The following RBM47 variants were observed in gnomAD, a reference collection of about 807,000 sequenced individuals.
RBM47 encodes RNA-binding protein 47.
A neutral mutation model predicts 47.1 loss-of-function variants in RBM47; 21 were observed. That is an observed-to-expected ratio of 0.45 (90% CI 0.32 to 0.64). The LOEUF (loss-of-function observed/expected upper bound fraction) is 0.64. RBM47 is among the 30% of genes least tolerant of loss of function. The probability of loss-of-function intolerance (pLI) is 0.05; values close to 1 mark genes in which losing one functional copy is unlikely to be tolerated. For synonymous variants in RBM47, 375 were observed against 361.7 expected, an observed-to-expected ratio of 1.04 and a Z score of -0.42; for missense variants, 708 against 870.9, an observed-to-expected ratio of 0.81 and a Z score of 2.35.
At chr4:40,468,870 A>G (rs1366199972) in intron 2 of RBM47, among the ~76,000 whole-genome samples, 1 of 152,242 alleles carries the variant, frequency 6.6e-6, no homozygotes, top group Non-Finnish European at 1.5e-5. Flanking sequence ...AATACCTAGT[A>G]ATCAAGATCA....
chr4:40,478,642 A>G (rs1202707855), intron 2 of RBM47, among the ~76,000 whole-genome samples: 3 of 152,100 alleles, frequency 2.0e-5, no homozygotes, highest in Non-Finnish European at 4.4e-5. Flanking sequence ...TAAGAGAGTT[A>G]TTATTATTAG....
At chr4:40,468,443 C>G (rs1007298866) in intron 2 of RBM47, among the ~76,000 whole-genome samples, 5 of 152,148 alleles carry the variant, frequency 3.3e-5, no homozygotes, top group African/African-American at 1.2e-4. Context: ...ACCAATAAAA[C>G]AGTTGCTGGT....
chr4:40,448,957 T>A (rs1577659292), intron 3 of RBM47, among the ~76,000 whole-genome samples: 1 of 152,130 alleles, frequency 6.6e-6, no homozygotes, highest in Non-Finnish European at 1.5e-5. Context: ...AGAAAAACAG[T>A]TTCTGCAAAA....
intron 6 of RBM47, among the ~76,000 whole-genome samples, chr4:40,428,018 T>C (rs1476975415): frequency 6.6e-6 from 1 of 152,076 alleles, no homozygotes; most frequent in African/African-American, 2.4e-5. Flanking sequence ...TGGCGAAACC[T>C]TGTCTCTGCA....
intron 3 of RBM47, among the ~76,000 whole-genome samples, chr4:40,453,856 AAG>A (rs1715823012): frequency 1.3e-5 from 2 of 151,016 alleles, no homozygotes; most frequent in African/African-American, 5.0e-5. Flanking sequence ...TTTTTAAAAA[AAG>A]AAAGAAATAA....
chr4:40,518,845 T>C (rs1376857392), intron 2 of RBM47, among the ~76,000 whole-genome samples: 1 of 151,872 alleles, frequency 6.6e-6, no homozygotes, highest in African/African-American at 2.4e-5. Context: ...TGAATTTGTG[T>C]TGGGCCACAT....
intron 2 of RBM47, among the ~76,000 whole-genome samples, chr4:40,517,335 C>T (rs1360638408): frequency 6.6e-6 from 1 of 152,110 alleles, no homozygotes; most frequent in Non-Finnish European, 1.5e-5. Flanking sequence ...CAGGGTTTCA[C>T]CATGTTGGTC....
chr4:40,526,661 C>A (rs1278179468), intron 2 of RBM47, among the ~76,000 whole-genome samples: 2 of 152,100 alleles, frequency 1.3e-5, no homozygotes, highest in African/African-American at 2.4e-5. Flanking sequence ...GCAGCCTCAA[C>A]CTCCCTGGCT....
intron 2 of RBM47, among the ~76,000 whole-genome samples, chr4:40,483,723 G>A (rs549283727): frequency 6.9e-6 from 1 of 144,400 alleles, no homozygotes; most frequent in Non-Finnish European, 1.5e-5. Flanking sequence ...ATACAATACA[G>A]TACAATACAA....
chr4:40,600,985 C>CAAAAAAAAAAAAAAAAAAAAAAAAA (rs56054491), intron 1 of RBM47, among the ~76,000 whole-genome samples: 8 of 50,110 alleles, frequency 1.6e-4, no homozygotes, highest in Admixed American at 3.0e-4. Flanking sequence ...AACTCCGTCT[C>CAAAAAAAAAAAAAAAAAAAAAAAAA]AAAAAAAAAA....
At chr4:40,428,516 C>G (rs143259323) in intron 6 of RBM47, among the ~76,000 whole-genome samples, 1 of 152,310 alleles carries the variant, frequency 6.6e-6, no homozygotes, top group Non-Finnish European at 1.5e-5. Flanking sequence ...GACTGTGGTT[C>G]ACAGCAAGAC....
intron 3 of RBM47, among the ~76,000 whole-genome samples, chr4:40,450,241 C>G (rs1715202538): frequency 6.6e-6 from 1 of 152,074 alleles, no homozygotes; most frequent in Non-Finnish European, 1.5e-5. Context: ...GAAGGAGAAG[C>G]CACAGTGGCT....
intron 1 of RBM47, among the ~76,000 whole-genome samples, chr4:40,573,835 G>GAAAGAAAGAAAGAGAA: frequency 1.5e-5 from 1 of 68,896 alleles, no homozygotes; most frequent in East Asian, 4.8e-4. Context: ...AAGAAAGAAA[G>GAAAGAAAGAAAGAGAA]AGAAAGAAAG....
intron 3 of RBM47, among the ~76,000 whole-genome samples, chr4:40,455,137 G>A (rs1489994321): frequency 6.6e-6 from 1 of 152,180 alleles, no homozygotes; most frequent in Non-Finnish European, 1.5e-5. Flanking sequence ...TCTGCAAACT[G>A]TCCCATAGCC....
chr4:40,497,959 C>A (rs922171586), intron 2 of RBM47, among the ~76,000 whole-genome samples: 11 of 150,260 alleles, frequency 7.3e-5, no homozygotes, highest in African/African-American at 2.7e-4. Context: ...CCACTGCCCT[C>A]CAGCCTGGAT....
At chr4:40,470,082 T>C (rs1349825333) in intron 2 of RBM47, among the ~76,000 whole-genome samples, 5 of 152,196 alleles carry the variant, frequency 3.3e-5, no homozygotes, top group Non-Finnish European at 7.3e-5. Context: ...GTCCAAACCT[T>C]TGATTTTACT....
intron 2 of RBM47, among the ~76,000 whole-genome samples, chr4:40,537,472 GA>G (rs1728097576): frequency 6.6e-6 from 1 of 151,938 alleles, no homozygotes. Flanking sequence ...GGCTGGTCTT[GA>G]ACCCCTGGGT....
intron 1 of RBM47, among the ~76,000 whole-genome samples, chr4:40,571,505 CAAGA>C (rs1731706509): frequency 6.6e-6 from 1 of 152,126 alleles, no homozygotes; most frequent in African/African-American, 2.4e-5. Context: ...AAAGGTTCTA[CAAGA>C]AAACATAGGA....
intron 1 of RBM47, among the ~76,000 whole-genome samples, chr4:40,601,684 A>T (rs1735295269): frequency 6.6e-6 from 1 of 152,294 alleles, no homozygotes; most frequent in East Asian, 1.9e-4. Flanking sequence ...CAAGGCTTCC[A>T]TTGTGGATTT....
Sources: gnomAD v4.1 joint callset for allele counts (sites outside exome capture counted in the v4.1 genomes callset) on GRCh38, gnomAD v4.1.1 for gene constraint, MANE v1.5 for transcripts, NCBI Gene and HGNC (gene_info 2026-07-23, HGNC 2026-07-21) for gene names.